The following EPHB1 variants were observed in gnomAD, a reference collection of about 807,000 sequenced individuals.
EPHB1 encodes the protein ephrin type-B receptor 1.
EPHB1 carries 30 observed loss-of-function variants against 94.4 expected under a neutral mutation model. The ratio of observed to expected loss-of-function variants is 0.32; its 90% CI spans 0.24 to 0.43. The LOEUF (loss-of-function observed/expected upper bound fraction) is 0.43, where lower values mean the gene tolerates loss of function less well. Ranked by LOEUF, EPHB1 falls within the 20% of genes least tolerant of loss-of-function variation. EPHB1 has a pLI of 1.00. For missense variants in EPHB1, 1,055 were observed against 1,308.3 expected (o/e 0.81, Z 2.99); for synonymous variants, 522 against 489.1 (o/e 1.07, Z -0.89).
intron 3 of EPHB1, among the ~76,000 whole-genome samples, chr3:135,099,847 C>T (rs1278624407): frequency 6.6e-6 from 1 of 152,036 alleles, no homozygotes; most frequent in Non-Finnish European, 1.5e-5. Context: ...GAGAACAAAG[C>T]GTAAGATAAA....
chr3:135,244,570 T>C (rs1042364312), intron 13 of EPHB1, among the ~76,000 whole-genome samples: 11 of 152,336 alleles, frequency 7.2e-5, no homozygotes, highest in African/African-American at 2.6e-4. Flanking sequence ...AACCTGGTCA[T>C]TGTCATTTAC....
chr3:135,097,096 C>CAAAAA (rs1182116389), intron 3 of EPHB1, among the ~76,000 whole-genome samples: 4 of 83,504 alleles, frequency 4.8e-5, no homozygotes, highest in Non-Finnish European at 8.5e-5. Context: ...ACTCTGTCTA[C>CAAAAA]AAAAAAAAAA....
chr3:134,863,473 C>T (rs1184353886), intron 1 of EPHB1, among the ~76,000 whole-genome samples: 1 of 152,212 alleles, frequency 6.6e-6, no homozygotes, highest in Non-Finnish European at 1.5e-5. Flanking sequence ...TGTGCGCTTT[C>T]TTTCAAACCC....
At chr3:135,002,561 G>C (rs1467043976) in intron 3 of EPHB1, among the ~76,000 whole-genome samples, 3 of 151,624 alleles carry the variant, frequency 2.0e-5, no homozygotes, top group Non-Finnish European at 4.4e-5. Flanking sequence ...ACCTCTGGTA[G>C]AATTTGGCTG....
At chr3:135,156,564 A>G (rs1941362287) in intron 6 of EPHB1, among the ~76,000 whole-genome samples, 1 of 152,228 alleles carries the variant, frequency 6.6e-6, no homozygotes, top group African/African-American at 2.4e-5. Context: ...GCGGAGGTCT[A>G]GATGGATCAC....
At chr3:135,092,568 G>GGAGGGCA (rs1938594999) in intron 3 of EPHB1, among the ~76,000 whole-genome samples, 1 of 152,060 alleles carries the variant, frequency 6.6e-6, no homozygotes, top group Non-Finnish European at 1.5e-5. Context: ...ATCTTCTCAA[G>GGAGGGCA]GAGGGCACAG....
chr3:134,821,652 A>G (rs2036382914), intron 1 of EPHB1, among the ~76,000 whole-genome samples: 1 of 152,176 alleles, frequency 6.6e-6, no homozygotes, highest in Admixed American at 6.5e-5. Context: ...TGCAGAAGAA[A>G]ACACTCCCAA....
intron 4 of EPHB1, among the ~76,000 whole-genome samples, chr3:135,115,840 C>T (rs949230880): frequency 6.6e-6 from 1 of 152,126 alleles, no homozygotes; most frequent in Non-Finnish European, 1.5e-5. Context: ...GCACAGTGCT[C>T]AATAAATTGT....
At chr3:134,929,331 G>C (rs1480792766) in intron 2 of EPHB1, among the ~76,000 whole-genome samples, 1 of 152,162 alleles carries the variant, frequency 6.6e-6, no homozygotes, top group Non-Finnish European at 1.5e-5. Context: ...GGTAGCAGGT[G>C]TTGAGAGGGC....
rs2037963507 is a variant in EPHB1 at position 134,890,771 on chromosome 3, A to G, written c.59-35045A>G. 2.0e-5 allele frequency among the ~76,000 whole-genome samples: 3 copies of G among 152,254 alleles called. No homozygotes were observed. In the South Asian group the frequency reaches 6.2e-4, roughly 32 times the overall value. ...ATGTTTAGAATTCTTAACCAAAAACATGGACCTTATCTTTTTTCTTCTTAA... is the reference window on the plus strand; with the variant it reads ...ATGTTTAGAATTCTTAACCAAAAACGTGGACCTTATCTTTTTTCTTCTTAA... On this transcript the variant is annotated intron_variant, in intron 1 of 15. Transcript: ENST00000398015.
intron 1 of EPHB1, among the ~76,000 whole-genome samples, chr3:134,882,294 A>C (rs1222354444): frequency 1.3e-5 from 2 of 152,230 alleles, no homozygotes; most frequent in Admixed American, 6.5e-5. Context: ...GTCAGAAATT[A>C]ACAACCAAAA....
intron 3 of EPHB1, among the ~76,000 whole-genome samples, chr3:134,987,661 C>T (rs549634344): frequency 3.6e-4 from 55 of 152,294 alleles, no homozygotes; most frequent in African/African-American, 1.3e-3. Flanking sequence ...GTCCCAGTTA[C>T]TCTGGAGGCT....
chr3:135,014,647 C>A (rs1935732487), intron 3 of EPHB1, among the ~76,000 whole-genome samples: 1 of 152,182 alleles, frequency 6.6e-6, no homozygotes, highest in African/African-American at 2.4e-5. Context: ...GGGCTGCAGA[C>A]CAGTGGAGGA....
At chr3:135,157,615 A>G (rs1163187855) in intron 6 of EPHB1, among the ~76,000 whole-genome samples, 2 of 152,250 alleles carry the variant, frequency 1.3e-5, no homozygotes, top group Non-Finnish European at 2.9e-5. Context: ...TTTCCTTGGA[A>G]ACAGAGAAGG....
rs182749901 is a variant in EPHB1 at position 135,154,967 on chromosome 3, A to G, written c.1422+691A>G. On this transcript the variant is annotated intron_variant, in intron 6 of 15. Transcript: ENST00000398015. The stretch of plus-strand genomic sequence containing the variant: ...AGGAAAATACAGTGCCTTCCGTTTT[A>G]ACCCAACACATTATTTGTAAAACCA... Among the ~76,000 whole-genome samples, 574 of 152,318 alleles carry G rather than the reference A, an allele frequency of 3.8e-3. 7 individuals are homozygous for G. Among genetic ancestry groups the G allele is most frequent in the Non-Finnish European group, 5.6e-3 (382 of 68,030 alleles).
intron 3 of EPHB1, among the ~76,000 whole-genome samples, chr3:134,985,193 T>G (rs1053926940): frequency 2.0e-5 from 3 of 152,144 alleles, no homozygotes; most frequent in African/African-American, 7.2e-5. Context: ...CTGGCTCTGT[T>G]GCCCAGGCTG....
At chr3:135,078,777 A>G (rs1026150312) in intron 3 of EPHB1, among the ~76,000 whole-genome samples, 1 of 152,258 alleles carries the variant, frequency 6.6e-6, no homozygotes, top group African/African-American at 2.4e-5. Context: ...TCAAAATTCC[A>G]AAGAAATTTT....
intron 2 of EPHB1, among the ~76,000 whole-genome samples, chr3:134,943,136 T>C (rs1024281171): frequency 7.6e-4 from 115 of 152,314 alleles, no homozygotes; most frequent in African/African-American, 2.7e-3. Flanking sequence ...ATTGAATGTC[T>C]CTGGGCCTCA....
intron 3 of EPHB1, among the ~76,000 whole-genome samples, chr3:135,024,299 C>T (rs1308281939): frequency 6.6e-6 from 1 of 152,214 alleles, no homozygotes; most frequent in South Asian, 2.1e-4. Flanking sequence ...GAAACACCTC[C>T]TTTCCATATT....
Sources: gnomAD v4.1 joint callset for allele counts (sites outside exome capture counted in the v4.1 genomes callset) on GRCh38, gnomAD v4.1.1 for gene constraint, MANE v1.5 for transcripts, NCBI Gene and HGNC (gene_info 2026-07-23, HGNC 2026-07-21) for gene names.